MYH14: variants seen among roughly 807,000 people sequenced by gnomAD.
MYH14 encodes the protein myosin-14.
Under a neutral mutation model 255.5 loss-of-function variants are expected in MYH14, and 123 were observed. That is an observed-to-expected ratio of 0.48 (90% confidence interval 0.42 to 0.56). The LOEUF is 0.56. Ranked by LOEUF, MYH14 falls within the 20% of genes least tolerant of loss-of-function variation. MYH14 has a pLI of 0.00. For synonymous variants in MYH14, 1,095 were observed against 1,161.2 expected (o/e 0.94, Z 1.16); for missense variants, 2,423 against 2,802.3 (o/e 0.86, Z 3.06).
chr19:50,224,201 A>G (rs757589103), intron 6 of MYH14, 24 bp downstream of exon 6: 1 of 1,613,822 alleles, frequency 6.2e-7, no homozygotes, highest in African/African-American at 1.3e-5. Context: ...GATCACCTCG[A>G]GTCTTGCTGC....
rs1175001727 is a variant in MYH14, at chr19:50,278,252, C to T, written c.3995C>T (p.Ala1332Val). The T allele has an allele frequency of 6.3e-7, 1 of 1,585,946 alleles. No homozygotes were observed. The highest frequency in any genetic ancestry group is 1.3e-5 in the African/African-American group (1 of 74,370). Residue 1332 changes from alanine (A) to valine (V), a missense_variant, in exon 30 of 43, where the codon GCA becomes GTA. Physicochemically the swap from Ala to Val is moderately conservative, Grantham distance 64. Around this residue, in one of 3 missense-constraint regions of MYH14, gnomAD observed 1,513 missense variants for 1,674.8 expected, o/e 0.90. Coordinates refer to ENST00000642316, the MANE Select transcript of MYH14 (RefSeq NM_001145809.2). ...VQGRAGDGER[A>V]RAEAAEKLQR... ...GGCCGGGCTGGTGATGGGGAGAGGG[C>T]ACGAGCGGAGGCTGCTGAGAAGCTG...
intron 21 of MYH14, 90 bp from the exon 22 acceptor site, chr19:50,263,222 G>C (rs190315706): frequency 1.2e-5 from 10 of 863,256 alleles, no homozygotes; most frequent in African/African-American, 6.9e-5. Flanking sequence ...AACAAACAAA[G>C]AAAATAAATA....
intron 16 of MYH14, among the ~76,000 whole-genome samples, chr19:50,253,777 GT>G (rs2034489870): frequency 6.6e-6 from 1 of 152,150 alleles, no homozygotes; most frequent in East Asian, 1.9e-4. Context: ...CTTAGAGGAG[GT>G]TTGAGAAATG....
intron 27 of MYH14, among the ~76,000 whole-genome samples, chr19:50,272,983 A>T (rs2035367034): frequency 6.6e-6 from 1 of 152,196 alleles, no homozygotes; most frequent in Admixed American, 6.5e-5. Flanking sequence ...ACAGTGCACA[A>T]TGGGAACAAG....
In MYH14 at chr19:50,281,241, T is replaced by C. The variant is rs115487759; in HGVS notation, c.4291-353T>C. Among the ~76,000 whole-genome samples, 828 of 152,334 alleles carry C rather than the reference T, an allele frequency of 5.4e-3. 8 individuals are homozygous for C. Among genetic ancestry groups the C allele is most frequent in the African/African-American group, 0.019 (781 of 41,562 alleles). ...TTCAGGAAGTTTCTCCTGAATGTTC[T>C]AAACAGATTCTGGGCACTTCCTGTG... On this transcript the variant is annotated intron_variant, in intron 32 of 42. Coordinates refer to ENST00000642316, the MANE Select transcript of MYH14 (RefSeq NM_001145809.2).
intron 1 of MYH14, among the ~76,000 whole-genome samples, chr19:50,204,620 C>A (rs1458487302): frequency 2.0e-5 from 3 of 152,188 alleles, no homozygotes; most frequent in African/African-American, 7.2e-5. Flanking sequence ...CTAGGCCGGG[C>A]GCAGTGGCTC....
At position 50,210,724 on chromosome 19, in the gene MYH14, C is replaced by T. The variant is rs119103281; in HGVS notation, c.359C>T (p.Ser120Leu). 2 of 1,579,166 alleles carry T rather than the reference C, an allele frequency of 1.3e-6. No individual in the cohort carries two copies. The highest frequency in any genetic ancestry group is 1.7e-6 in the Non-Finnish European group (2 of 1,163,334). ...GAGCTGACCTGCCTCAACGAGGCCTCGGTCCTGCACAACCTCCGGGAGCGG... is the reference window on the plus strand; with the variant it reads ...GAGCTGACCTGCCTCAACGAGGCCTTGGTCCTGCACAACCTCCGGGAGCGG... ...MAELTCLNEA[S>L]VLHNLRERYY... is the part of the protein sequence containing the mutation. Residue 120 changes from serine to leucine, a missense_variant, in exon 2 of 43, where the codon TCG (serine) becomes TTG (leucine). Ser to Leu is a moderately radical substitution (Grantham distance 145). Transcript: ENST00000642316.
chr19:50,269,511 C>T (rs1242442073), intron 24 of MYH14, among the ~76,000 whole-genome samples: 1 of 152,118 alleles, frequency 6.6e-6, no homozygotes, highest in Non-Finnish European at 1.5e-5. Context: ...TTCTCTTGAT[C>T]CCTTTGGTGA....
At chr19:50,204,978 T>C (rs1254127251) in intron 1 of MYH14, among the ~76,000 whole-genome samples, 1 of 151,920 alleles carries the variant, frequency 6.6e-6, no homozygotes, top group Non-Finnish European at 1.5e-5. Flanking sequence ...TAGTAGGTAC[T>C]CTTATCACCA....
At chr19:50,231,756 T>C (rs552089634) in intron 9 of MYH14, among the ~76,000 whole-genome samples, 174 bp from the exon 10 acceptor site, 4 of 149,134 alleles carry the variant, frequency 2.7e-5, no homozygotes, top group Admixed American at 2.7e-4. Flanking sequence ...GGTGGTCTCA[T>C]AGGTGCTAAA....
At chr19:50,222,254 G>A (rs2032863109) in intron 3 of MYH14, among the ~76,000 whole-genome samples, 1 of 152,044 alleles carries the variant, frequency 6.6e-6, no homozygotes, top group African/African-American at 2.4e-5. Context: ...GCCGAGGCCG[G>A]TGGATCACGA....
chr19:50,237,037 A>G (rs1424975172), intron 10 of MYH14, among the ~76,000 whole-genome samples: 1 of 152,174 alleles, frequency 6.6e-6, no homozygotes, highest in Admixed American at 6.5e-5. Flanking sequence ...TAGCAGTGAA[A>G]TCATGCCGTA....
In MYH14 at chr19:50,210,788, G is replaced by A. The variant is rs775439060; in HGVS notation, c.405+18G>A. 15 of 1,549,578 alleles carry A rather than the reference G, an allele frequency of 9.7e-6. No homozygotes were observed. The highest frequency in any genetic ancestry group is 1.3e-5 in the Non-Finnish European group (15 of 1,150,780). On this transcript the variant is annotated intron_variant, in intron 2 of 42. Coordinates refer to ENST00000642316, the MANE Select transcript of MYH14 (RefSeq NM_001145809.2). ...TCATCTACGTGAGTGGGCTCCTGCT[G>A]GGGGGCGCGTGCGGCGGAGTTGCTG... is the stretch of plus-strand genomic sequence containing the variant.
chr19:50,207,754 C>CA (rs1357095038), intron 1 of MYH14, among the ~76,000 whole-genome samples: 1 of 152,178 alleles, frequency 6.6e-6, no homozygotes, highest in Non-Finnish European at 1.5e-5. Flanking sequence ...ACCTGAATGA[C>CA]AAAAATCAGG....
chr19:50,275,165 C>T (rs2035458401), intron 27 of MYH14, among the ~76,000 whole-genome samples: 1 of 152,198 alleles, frequency 6.6e-6, no homozygotes. Context: ...TCTTAAGTCA[C>T]TTGTTGGAGC....
intron 10 of MYH14, among the ~76,000 whole-genome samples, chr19:50,239,719 T>G (rs2033815353): frequency 6.6e-6 from 1 of 152,082 alleles, no homozygotes; most frequent in Non-Finnish European, 1.5e-5. Flanking sequence ...CTAGCTAATT[T>G]TTTGTATTTT....
chr19:50,260,848 T>A (rs544003605), intron 20 of MYH14, 133 bp downstream of exon 20: 4 of 686,522 alleles, frequency 5.8e-6, no homozygotes, highest in Non-Finnish European at 1.0e-5. Flanking sequence ...CGTGTGTGCG[T>A]GTGTGTGTGC....
chr19:50,289,669 A>G, intron 35 of MYH14, 21 bp downstream of exon 35: 1 of 1,589,700 alleles, frequency 6.3e-7, no homozygotes, highest in Non-Finnish European at 8.6e-7. Flanking sequence ...ACAGAAGGCC[A>G]CAGGGTGCCA....
chr19:50,220,678 G>T (rs868279910), intron 3 of MYH14, among the ~76,000 whole-genome samples: 2 of 151,476 alleles, frequency 1.3e-5, no homozygotes, highest in African/African-American at 4.9e-5. Context: ...TCAGCCTCCC[G>T]AGTGGCTGGG....
Sources: allele counts gnomAD v4.1 joint callset (sites outside exome capture counted in the v4.1 genomes callset), GRCh38; gene constraint gnomAD v4.1.1; regional missense constraint gnomAD v4.1.1; transcripts MANE v1.5; gene names NCBI Gene and HGNC (gene_info 2026-07-23, HGNC 2026-07-21).